Variants in TANGO6 observed in about 807,000 individuals in gnomAD.
TANGO6 encodes transport and golgi organization 6 homolog.
TANGO6 carries 90 observed loss-of-function variants against 114.2 expected under a neutral mutation model. The observed-to-expected ratio is 0.79, with a 90% CI of 0.66 to 0.94. The LOEUF (loss-of-function observed/expected upper bound fraction) is 0.94. Ranked by LOEUF, TANGO6 falls within the 40% of genes least tolerant of loss-of-function variation. TANGO6 has a pLI of 0.00. For missense variants in TANGO6, 1,274 were observed against 1,315.3 expected, an observed-to-expected ratio of 0.97 and a Z score of 0.49; for synonymous variants, 477 against 509.8, an observed-to-expected ratio of 0.94 and a Z score of 0.87.
intron 17 of TANGO6, among the ~76,000 whole-genome samples, chr16:69,081,497 C>T (rs1960465015): frequency 6.6e-6 from 1 of 151,686 alleles, no homozygotes; most frequent in East Asian, 2.0e-4. Flanking sequence ...GTGCGTGCCA[C>T]CACACCTGCT....
chr16:68,995,318 A>G (rs1361576382), intron 15 of TANGO6, among the ~76,000 whole-genome samples: 1 of 152,170 alleles, frequency 6.6e-6, no homozygotes, highest in Non-Finnish European at 1.5e-5. Flanking sequence ...AGCCTTAGGG[A>G]GAAAAATGGG....
rs573325647 is a variant in TANGO6 at position 68,907,614 on chromosome 16, G to T, written c.1800+39G>T. On this transcript the variant is annotated intron_variant, in intron 10 of 17. Coordinates refer to ENST00000261778, the MANE Select transcript of TANGO6 (RefSeq NM_024562.2). Reference sequence around the variant, plus strand: ...GTAGTTCCTGGTCAGTGTTGTTCCAGGGGAGTTCCAGGAAACCCTTAGAAT... The same window carrying T: ...GTAGTTCCTGGTCAGTGTTGTTCCATGGGAGTTCCAGGAAACCCTTAGAAT... 3.2e-6 allele frequency: 5 copies of T among 1,563,764 alleles called. No individual in the cohort carries two copies. The South Asian group carries it at 6.0e-5, about 19-fold the overall frequency.
chr16:68,868,490 C>CTTTTTTTTTT, intron 4 of TANGO6, among the ~76,000 whole-genome samples: 1 of 121,946 alleles, frequency 8.2e-6, no homozygotes, highest in East Asian at 2.3e-4. Flanking sequence ...CTCTATATTT[C>CTTTTTTTTTT]TATTTTTTTT....
intron 17 of TANGO6, among the ~76,000 whole-genome samples, chr16:69,067,478 A>G (rs1478424888): frequency 1.4e-5 from 2 of 142,924 alleles, no homozygotes; most frequent in Non-Finnish European, 3.0e-5. Context: ...AGATTGCGCC[A>G]CTGAACTCCA....
intron 14 of TANGO6, among the ~76,000 whole-genome samples, chr16:68,953,744 T>G (rs1408763565): frequency 6.6e-6 from 1 of 152,214 alleles, no homozygotes; most frequent in African/African-American, 2.4e-5. Context: ...TACTGTCTTC[T>G]TGGTCGTGAA....
chr16:69,047,039 G>A (rs536371923), intron 17 of TANGO6, among the ~76,000 whole-genome samples: 2 of 151,184 alleles, frequency 1.3e-5, no homozygotes, highest in East Asian at 3.9e-4. Flanking sequence ...AGATTAGCTG[G>A]GCGTGGTGGT....
At chr16:68,846,281 C>A in intron 1 of TANGO6, among the ~76,000 whole-genome samples, 1 of 152,122 alleles carries the variant, frequency 6.6e-6, no homozygotes, top group East Asian at 1.9e-4. Flanking sequence ...CTGCCTTGAC[C>A]TCCCAGAGTA....
At chr16:69,033,485 G>A (rs1485116789) in intron 16 of TANGO6, among the ~76,000 whole-genome samples, 1 of 152,176 alleles carries the variant, frequency 6.6e-6, no homozygotes, top group Non-Finnish European at 1.5e-5. Flanking sequence ...GGAGTGACAC[G>A]ATAGAGCCAG....
chr16:68,845,496 CTT>C (rs1961789127), intron 1 of TANGO6, among the ~76,000 whole-genome samples: 1 of 152,078 alleles, frequency 6.6e-6, no homozygotes, highest in African/African-American at 2.4e-5. Flanking sequence ...TACATGTAGT[CTT>C]ATATATTATA....
intron 1 of TANGO6, among the ~76,000 whole-genome samples, chr16:68,858,565 C>G (rs1962037200): frequency 6.6e-6 from 1 of 152,160 alleles, no homozygotes; most frequent in South Asian, 2.1e-4. Flanking sequence ...ACTGCAGCCT[C>G]TATGTCCCAG....
At chr16:68,953,049 T>TA (rs566875204) in intron 14 of TANGO6, among the ~76,000 whole-genome samples, 1,789 of 111,080 alleles carry the variant, frequency 0.016, 18 homozygotes, top group Admixed American at 0.04. Context: ...AACAGGTATT[T>TA]TTTATTATTA....
chr16:68,909,182 T>C, intron 10 of TANGO6, 29 bp from the exon 11 acceptor site: 1 of 1,453,906 alleles, frequency 6.9e-7, no homozygotes, highest in Non-Finnish European at 9.1e-7. Flanking sequence ...GGCTTTATCT[T>C]CACTTTTTCT....
At chr16:69,044,364 G>A (rs536961544) in intron 17 of TANGO6, among the ~76,000 whole-genome samples, 13 of 152,166 alleles carry the variant, frequency 8.5e-5, no homozygotes, top group South Asian at 2.1e-4. Flanking sequence ...TGCCGGGTGC[G>A]GTGACTCACG....
Position 68,927,568 on chromosome 16 carries a change from T to C in TANGO6, c.2128T>C (p.Leu710=), listed in dbSNP as rs1315454517. The change falls in exon 13 of 18, where the codon TTG becomes CTG. Residue 710 remains leucine, a splice_region_variant and synonymous_variant. Coordinates refer to ENST00000261778, the MANE Select transcript of TANGO6 (RefSeq NM_024562.2). ...VAVMLGGAVQ[L]KSSDFAVLKQ... ...TGACATTTTTTATTTCATTTTGTAG[T>C]TGAAGTCAAGTGATTTTGCTGTTCT... is the stretch of plus-strand genomic sequence containing the variant. The C allele has an allele frequency of 2.1e-5, 34 of 1,605,982 alleles. No homozygotes were observed. Among genetic ancestry groups the C allele is most frequent in the Non-Finnish European group, 2.8e-5 (33 of 1,173,936 alleles).
At chr16:68,954,179 A>G (rs1374834492) in intron 14 of TANGO6, among the ~76,000 whole-genome samples, 2 of 150,988 alleles carry the variant, frequency 1.3e-5, no homozygotes, top group Non-Finnish European at 3.0e-5. Context: ...CAACCCAGGA[A>G]GCAGAGGTTG....
chr16:69,006,858 G>T (rs780737038), intron 15 of TANGO6, among the ~76,000 whole-genome samples: 2 of 152,152 alleles, frequency 1.3e-5, no homozygotes, highest in Non-Finnish European at 2.9e-5. Context: ...TGCTCACAGG[G>T]TTGTATGCTC....
intron 15 of TANGO6, among the ~76,000 whole-genome samples, chr16:68,974,947 A>C (rs2152213226): frequency 6.6e-6 from 1 of 152,056 alleles, no homozygotes; most frequent in East Asian, 1.9e-4. Context: ...AGTCCCAGCT[A>C]CTCAGGAGGC....
intron 11 of TANGO6, among the ~76,000 whole-genome samples, chr16:68,915,085 T>A (rs56992929): frequency 0.17 from 25,398 of 147,254 alleles, 2,249 homozygotes; most frequent in African/African-American, 0.23. Context: ...GAGGCAGGAG[T>A]ATTGCTTGAA....
rs1180734076 is a variant in TANGO6, at chr16:68,843,622, C to A, written c.5C>A (p.Ala2Glu). The A allele has an allele frequency of 4.3e-6, 7 of 1,613,278 alleles. No individual in the cohort carries two copies. The highest frequency in any genetic ancestry group is 5.1e-6 in the Non-Finnish European group (6 of 1,179,580). M[A>E]ARQAVGSGAQ... ...GCGTGGTGTTACACTCCAGTCATGG[C>A]GGCCCGACAGGCCGTGGGCAGCGGG... Residue 2 changes from alanine (A) to glutamate (E), a missense_variant, in exon 1 of 18, where the codon GCG becomes GAG. Around this residue, in one of 5 missense-constraint regions of TANGO6, gnomAD observed 114 missense variants for 104.6 expected, o/e 1.09. Coordinates refer to ENST00000261778, the MANE Select transcript of TANGO6 (RefSeq NM_024562.2).
Sources: gnomAD v4.1 joint callset for allele counts (sites outside exome capture counted in the v4.1 genomes callset) on GRCh38, gnomAD v4.1.1 for gene constraint, gnomAD v4.1.1 regional missense constraint, MANE v1.5 for transcripts, NCBI Gene and HGNC (gene_info 2026-07-23, HGNC 2026-07-21) for gene names.